Variants in PCNT observed in about 807,000 individuals in gnomAD.
PCNT encodes kendrin.
PCNT carries 319 observed loss-of-function variants against 380.4 expected under a neutral mutation model. That is an observed-to-expected ratio of 0.84 (90% CI 0.77 to 0.92). The LOEUF (loss-of-function observed/expected upper bound fraction) is 0.92. Ranked by LOEUF, PCNT falls within the 40% of genes least tolerant of loss-of-function variation. The pLI is 0.00. For missense variants in PCNT, 4,400 were observed against 4,255.3 expected (o/e 1.03, Z -0.95); for synonymous variants, 1,845 against 1,735.2 (o/e 1.06, Z -1.57).
intron 13 of PCNT, 111 bp downstream of exon 13, chr21:46,357,302 T>C: frequency 1.2e-6 from 1 of 808,356 alleles, no homozygotes; most frequent in Non-Finnish European, 2.2e-6. Context: ...AGCCCAGTGC[T>C]GTACATGGCA....
chr21:46,346,813 T>A lies in PCNT; in HGVS notation c.791T>A (p.Leu264Gln). Residue 264 changes from leucine to glutamine, a missense_variant, in exon 5 of 47, where the codon CTG becomes CAG. Leu to Gln is a moderately radical substitution (Grantham distance 113). Coordinates refer to ENST00000359568, the MANE Select transcript of PCNT (RefSeq NM_006031.6). ...AACATGCACACGGCGCAGCTGGAGC[T>A]GACACAGGCCAACCTCCAGAAGGAG... ...LSNMHTAQLE[L>Q]TQANLQKEKE... 6.2e-7 allele frequency: 1 copy of A among 1,603,988 alleles called. No individual in the cohort carries two copies. The highest frequency in any genetic ancestry group is 8.5e-7 in the Non-Finnish European group (1 of 1,176,082).
In PCNT at chr21:46,445,650, G is replaced by C. The variant is rs1569318880; in HGVS notation, c.*323G>C. 1 of 352,834 alleles carries C rather than the reference G, an allele frequency of 2.8e-6. No homozygotes were observed. Among genetic ancestry groups the C allele is most frequent in the Non-Finnish European group, 5.1e-6 (1 of 194,842 alleles). The allele number at this position is 352,834 out of a possible 1,614,324, so 21.9% of individuals were successfully genotyped here. On this transcript the variant is annotated 3_prime_UTR_variant, in exon 47 of 47. Coordinates refer to ENST00000359568, the MANE Select transcript of PCNT (RefSeq NM_006031.6). ...CCTGCCTCCAAGGAGGATACACAGA[G>C]AATGGCTTCCTGTTGTTTTGTTTAT...
intron 3 of PCNT, among the ~76,000 whole-genome samples, chr21:46,343,232 C>G (rs2083959763): frequency 6.6e-6 from 1 of 152,160 alleles, no homozygotes; most frequent in African/African-American, 2.4e-5. Flanking sequence ...TTTTCCAGTT[C>G]TAAAATGCCT....
chr21:46,402,871 CATG>C (rs1394513365), intron 27 of PCNT, among the ~76,000 whole-genome samples: 7 of 152,044 alleles, frequency 4.6e-5, no homozygotes, highest in African/African-American at 1.7e-4. Context: ...TTCCCACTGG[CATG>C]ATGGGAAAAA....
In PCNT at chr21:46,367,043, C is replaced by G. The variant is rs772791850; in HGVS notation, c.3069C>G (p.His1023Gln). Residue 1023 changes from histidine (H) to glutamine (Q), a missense_variant, in exon 15 of 47, where the codon CAC becomes CAG. Coordinates refer to ENST00000359568, the MANE Select transcript of PCNT (RefSeq NM_006031.6). ...TQELEKLKRK[H>Q]EGELQSVRDH... ...AGTTGGAGAAACTGAAGCGGAAACA[C>G]GAAGGGGAGCTACAGTCTGTGCGGG... is the stretch of plus-strand genomic sequence containing the variant. 1 of 1,614,046 alleles carries G rather than the reference C, an allele frequency of 6.2e-7. No individual in the cohort carries two copies.
intron 13 of PCNT, 73 bp from the exon 14 acceptor site, chr21:46,363,407 G>A: frequency 8.6e-7 from 1 of 1,158,682 alleles, no homozygotes; most frequent in Non-Finnish European, 1.3e-6. Context: ...TTCAGAGGTG[G>A]GTTTGGGTTG....
Position 46,412,923 on chromosome 21 carries a change from G to C in PCNT, c.6081G>C (p.Gln2027His), listed in dbSNP as rs1329959631. 1.9e-6 allele frequency: 3 copies of C among 1,612,582 alleles called. No individual in the cohort carries two copies. The highest frequency in any genetic ancestry group is 1.7e-5 in the Admixed American group (1 of 60,034). Residue 2027 changes from glutamine (Q) to histidine (H), a missense_variant, in exon 29 of 47, where the codon CAG becomes CAC. Gln to His is a conservative substitution (Grantham distance 24). Coordinates refer to ENST00000359568, the MANE Select transcript of PCNT (RefSeq NM_006031.6). ...EGVMSVLTVCQRQLQSELLLV... is the reference protein window; with the variant it reads ...EGVMSVLTVCHRQLQSELLLV... ...TGATGTCAGTGCTCACCGTCTGCCAGAGGCAGCTGCAGTCGGAGCTGCTCT... is the reference window on the plus strand; with the variant it reads ...TGATGTCAGTGCTCACCGTCTGCCACAGGCAGCTGCAGTCGGAGCTGCTCT...
At chr21:46,373,001 T>G (rs1483179092) in intron 15 of PCNT, among the ~76,000 whole-genome samples, 1 of 152,016 alleles carries the variant, frequency 6.6e-6, no homozygotes, top group Non-Finnish European at 1.5e-5. Context: ...TAACCTGTAC[T>G]TTTGTTCTTC....
chr21:46,337,899 T>C (rs903752013), intron 3 of PCNT, among the ~76,000 whole-genome samples: 3 of 151,918 alleles, frequency 2.0e-5, no homozygotes, highest in Admixed American at 2.0e-4. Flanking sequence ...TTTGAGACAG[T>C]GTCTTGCTCT....
intron 27 of PCNT, among the ~76,000 whole-genome samples, chr21:46,405,999 TAAAG>T (rs1274501678): frequency 7.2e-5 from 11 of 152,342 alleles, no homozygotes; most frequent in South Asian, 2.1e-4. Context: ...CTTTATATAA[TAAAG>T]AAAAGTAAAA....
chr21:46,442,003 C>T, intron 43 of PCNT, among the ~76,000 whole-genome samples: 1 of 152,178 alleles, frequency 6.6e-6, no homozygotes, highest in Non-Finnish European at 1.5e-5. Context: ...TGCACACTGA[C>T]CTGCATGCCC....
intron 25 of PCNT, among the ~76,000 whole-genome samples, chr21:46,400,998 C>A (rs79251540): frequency 3.9e-5 from 6 of 152,240 alleles, no homozygotes; most frequent in Non-Finnish European, 7.3e-5. Context: ...TGCTCCAGGG[C>A]GGCTTCACCC....
At chr21:46,430,337 C>CGG in intron 36 of PCNT, 105 bp downstream of exon 36, 1 of 1,393,598 alleles carries the variant, frequency 7.2e-7, no homozygotes, top group South Asian at 1.2e-5. Context: ...CGCAGTTGGG[C>CGG]AGCCCCAGGG....
intron 2 of PCNT, among the ~76,000 whole-genome samples, chr21:46,331,106 T>G (rs1366392889): frequency 6.6e-6 from 1 of 152,132 alleles, no homozygotes; most frequent in Non-Finnish European, 1.5e-5. Context: ...TATAATAAAT[T>G]GCTTACTTTG....
Position 46,411,232 on chromosome 21 carries a change from C to T in PCNT, c.5159C>T (p.Thr1720Ile), listed in dbSNP as rs776548704. 1.9e-6 allele frequency: 3 copies of T among 1,614,130 alleles called. No individual in the cohort carries two copies. The highest frequency in any genetic ancestry group is 1.1e-5 in the South Asian group (1 of 91,086). The change falls in exon 28 of 47, where the codon ACT becomes ATT. Residue 1720 changes from threonine (T) to isoleucine (I), a missense_variant. Thr to Ile is a moderately conservative substitution (Grantham distance 89). Transcript: ENST00000359568. The part of the protein sequence containing the change: ...RSSEIEELKA[T>I]IENLQENQKR... The stretch of plus-strand genomic sequence containing the variant: ...TCTGAGATTGAAGAGCTGAAAGCCA[C>T]TATTGAAAATCTGCAAGAGAATCAG...
rs775883248 is a variant in PCNT, at chr21:46,389,383, C to A, written c.3792C>A (p.Ser1264Arg). The A allele has an allele frequency of 6.2e-7, 1 of 1,614,188 alleles. No individual in the cohort carries two copies. The highest frequency in any genetic ancestry group is 2.2e-5 in the East Asian group (1 of 44,876). The stretch of plus-strand genomic sequence containing the variant: ...TCCGGAGGGTCTTCCAGAGCCTCAG[C>A]CTGGCCGTGGACGGCCTCATGGAGA... ...QPIRRVFQSLSLAVDGLMEMA... is the reference protein window; with the variant it reads ...QPIRRVFQSLRLAVDGLMEMA... Residue 1264 changes from serine to arginine, a missense_variant, in exon 19 of 47, where the codon AGC becomes AGA. Transcript: ENST00000359568.
At chr21:46,400,537 G>A (rs1304760911) in intron 25 of PCNT, among the ~76,000 whole-genome samples, 1 of 39,948 alleles carries the variant, frequency 2.5e-5, no homozygotes, top group South Asian at 9.0e-4. Context: ...TTTTTTTTTT[G>A]AGACAGAGTC....
chr21:46,374,922 C>T (rs1026920716), intron 15 of PCNT, among the ~76,000 whole-genome samples: 2 of 151,848 alleles, frequency 1.3e-5, no homozygotes, highest in Non-Finnish European at 2.9e-5. Flanking sequence ...GGTCATTGTC[C>T]CAGAATAGCT....
intron 15 of PCNT, among the ~76,000 whole-genome samples, chr21:46,374,019 C>G (rs936180892): frequency 6.6e-6 from 1 of 152,300 alleles, no homozygotes; most frequent in South Asian, 2.1e-4. Flanking sequence ...TGAGCCACTG[C>G]GCCCGGCCGC....
Sources: gnomAD v4.1 joint callset for allele counts (sites outside exome capture counted in the v4.1 genomes callset) on GRCh38, gnomAD v4.1.1 for gene constraint, MANE v1.5 for transcripts, NCBI Gene and HGNC (gene_info 2026-07-23, HGNC 2026-07-21) for gene names.